Variants in SLCO3A1 observed in about 807,000 individuals in gnomAD.
The protein encoded by SLCO3A1 is solute carrier organic anion transporter family member 3A1.
A neutral mutation model predicts 63.1 loss-of-function variants in SLCO3A1; 27 were observed. The observed-to-expected ratio is 0.43, with a 90% confidence interval of 0.32 to 0.59. The LOEUF (loss-of-function observed/expected upper bound fraction) is 0.59. SLCO3A1 is among the 20% of genes least tolerant of loss of function. The pLI is 0.09. For missense variants in SLCO3A1, 773 were observed against 945.8 expected (o/e 0.82, Z 2.40); for synonymous variants, 473 against 409.9 (o/e 1.15, Z -1.86).
intron 4 of SLCO3A1, among the ~76,000 whole-genome samples, chr15:92,115,277 A>G (rs1367787026): frequency 1.3e-5 from 2 of 152,132 alleles, no homozygotes; most frequent in East Asian, 1.9e-4. Context: ...CTTCTTGACC[A>G]CAGAGATGGC....
At chr15:91,911,852 C>G (rs929524397) in intron 1 of SLCO3A1, among the ~76,000 whole-genome samples, 1 of 152,112 alleles carries the variant, frequency 6.6e-6, no homozygotes, top group Non-Finnish European at 1.5e-5. Context: ...GTCTCGATCT[C>G]TTGACCTTGT....
intron 5 of SLCO3A1, among the ~76,000 whole-genome samples, chr15:92,123,116 A>G (rs1337420556): frequency 6.6e-6 from 1 of 152,196 alleles, no homozygotes; most frequent in African/African-American, 2.4e-5. Context: ...ACAGGACATA[A>G]CATATCTCAG....
intron 2 of SLCO3A1, among the ~76,000 whole-genome samples, chr15:91,938,482 G>GTTTTTT (rs71156621): frequency 6.6e-5 from 9 of 136,246 alleles, no homozygotes; most frequent in African/African-American, 2.4e-4. Flanking sequence ...GGTTTTTTTT[G>GTTTTTT]TTTTTTTTTT....
intron 2 of SLCO3A1, among the ~76,000 whole-genome samples, chr15:91,937,321 G>A (rs1326330269): frequency 6.6e-6 from 1 of 152,194 alleles, no homozygotes; most frequent in Non-Finnish European, 1.5e-5. Flanking sequence ...AGGCCCCATG[G>A]GGAACAAGTG....
chr15:92,139,882 T>A (rs1477934346), intron 7 of SLCO3A1, among the ~76,000 whole-genome samples: 1 of 149,986 alleles, frequency 6.7e-6, no homozygotes, highest in Admixed American at 6.6e-5. Context: ...TCTTTATTAG[T>A]CTTGCTAGCG....
At chr15:92,073,483 T>C (rs759648903) in intron 2 of SLCO3A1, among the ~76,000 whole-genome samples, 3 of 152,218 alleles carry the variant, frequency 2.0e-5, no homozygotes, top group Non-Finnish European at 4.4e-5. Context: ...CATCTTTTCC[T>C]TTGGCAGAAA....
In SLCO3A1 at chr15:92,031,015, T is replaced by G. The variant is rs1402019603; in HGVS notation, c.647-63866T>G. On this transcript the variant is annotated intron_variant, in intron 2 of 9. Coordinates refer to ENST00000318445, the MANE Select transcript of SLCO3A1 (RefSeq NM_013272.4). ...TTGTCTGGGCTTGGGCTGTACCCTG[T>G]GAGGGAGGGAGGGAGGGAGGGAGGG... Among the ~76,000 whole-genome samples, 5 of 103,106 alleles carry G rather than the reference T, an allele frequency of 4.8e-5. No individual in the cohort carries two copies. The East Asian group carries it at 1.3e-3, about 27-fold the overall frequency. 67.6% of individuals were successfully genotyped at this position (103,106 alleles called of 152,430 possible).
At chr15:91,878,334 C>T (rs1477118242) in intron 1 of SLCO3A1, among the ~76,000 whole-genome samples, 1 of 152,178 alleles carries the variant, frequency 6.6e-6, no homozygotes, top group East Asian at 1.9e-4. Context: ...CCCACCTCGG[C>T]TTCCCAAAGT....
intron 4 of SLCO3A1, among the ~76,000 whole-genome samples, chr15:92,109,795 A>T (rs1419922256): frequency 6.6e-6 from 1 of 152,074 alleles, no homozygotes; most frequent in Non-Finnish European, 1.5e-5. Flanking sequence ...TGGCCCCCAC[A>T]GGTGGCTGAT....
intron 2 of SLCO3A1, among the ~76,000 whole-genome samples, chr15:92,050,064 C>T (rs1354240561): frequency 6.6e-6 from 1 of 152,208 alleles, no homozygotes; most frequent in African/African-American, 2.4e-5. Flanking sequence ...TGCCTCATGA[C>T]CGGGTGACCA....
chr15:91,886,563 T>A lies in SLCO3A1; in HGVS notation c.181-29430T>A, dbSNP rs548131087. ...CCAAAGAGAGATGGAAGATTCAGCCTCAGCGTCAGTGTTGTTTCTACGGTG... is the reference window on the plus strand; with the variant it reads ...CCAAAGAGAGATGGAAGATTCAGCCACAGCGTCAGTGTTGTTTCTACGGTG... On this transcript the variant is annotated intron_variant, in intron 1 of 9. Transcript: ENST00000318445. This position sits in a 1 kb window ranked among gnomAD's most constrained non-coding sequence, Gnocchi z 4.9. Among the ~76,000 whole-genome samples, 1 of 152,226 alleles carries A rather than the reference T, an allele frequency of 6.6e-6. No individual in the cohort carries two copies. Among genetic ancestry groups the A allele is most frequent in the African/African-American group, 2.4e-5 (1 of 41,460 alleles).
At chr15:92,144,393 A>C (rs2048192937) in intron 7 of SLCO3A1, among the ~76,000 whole-genome samples, 1 of 152,162 alleles carries the variant, frequency 6.6e-6, no homozygotes, top group Non-Finnish European at 1.5e-5. Flanking sequence ...CAGATAAAGC[A>C]CCTTAAAAAA....
At chr15:91,949,240 T>G (rs1452775728) in intron 2 of SLCO3A1, among the ~76,000 whole-genome samples, 1 of 152,146 alleles carries the variant, frequency 6.6e-6, no homozygotes, top group Non-Finnish European at 1.5e-5. Flanking sequence ...CCAGACTGTC[T>G]ACCTGGGTTC....
intron 2 of SLCO3A1, among the ~76,000 whole-genome samples, chr15:92,042,472 A>G (rs1211934723): frequency 1.3e-5 from 2 of 152,176 alleles, no homozygotes; most frequent in Non-Finnish European, 2.9e-5. Context: ...TGCTTAGCTT[A>G]TTCATCTACC....
At chr15:92,162,402 AGCCTCCCAAAG>A (rs2151604579) in intron 9 of SLCO3A1, 1 of 196,702 alleles carries the variant, frequency 5.1e-6, no homozygotes. Context: ...CACCTGCTTC[AGCCTCCCAAAG>A]TGCTGGAATT....
intron 2 of SLCO3A1, among the ~76,000 whole-genome samples, chr15:91,957,381 A>C (rs962630314): frequency 6.6e-6 from 1 of 151,022 alleles, no homozygotes; most frequent in Non-Finnish European, 1.5e-5. Context: ...CCTGCAATCA[A>C]AGCCTCCGGT....
At chr15:92,062,823 A>C (rs1312524460) in intron 2 of SLCO3A1, among the ~76,000 whole-genome samples, 1 of 152,136 alleles carries the variant, frequency 6.6e-6, no homozygotes, top group Non-Finnish European at 1.5e-5. Flanking sequence ...TTTCCCTGGA[A>C]ATCAGTGTCC....
chr15:91,981,533 C>G (rs1037434593), intron 2 of SLCO3A1, among the ~76,000 whole-genome samples: 1 of 152,098 alleles, frequency 6.6e-6, no homozygotes, highest in African/African-American at 2.4e-5. Context: ...TGCTTCCTAC[C>G]TGTGCGCATT....
At chr15:92,026,432 G>C (rs57971930) in intron 2 of SLCO3A1, among the ~76,000 whole-genome samples, 2 of 152,212 alleles carry the variant, frequency 1.3e-5, no homozygotes, top group Non-Finnish European at 2.9e-5. Flanking sequence ...AGAGCAAGTA[G>C]AACTCATCAG....
Sources: allele counts gnomAD v4.1 joint callset (sites outside exome capture counted in the v4.1 genomes callset), GRCh38; gene constraint gnomAD v4.1.1; non-coding constraint Gnocchi (gnomAD v3.1); transcripts MANE v1.5; gene names NCBI Gene and HGNC (gene_info 2026-07-23, HGNC 2026-07-21).